Variants in BMPR2 observed in about 807,000 individuals in gnomAD.
BMPR2 encodes bone morphogenetic protein receptor type-2.
Under a neutral mutation model 100.8 loss-of-function variants are expected in BMPR2, and 29 were observed. The observed-to-expected ratio is 0.29, with a 90% CI of 0.21 to 0.39. The LOEUF is 0.39. Among genes scored for constraint, BMPR2 ranks in the 10% least tolerant of loss-of-function variants. The pLI is 1.00. For missense variants in BMPR2, 1,011 were observed against 1,274.5 expected, an observed-to-expected ratio of 0.79 and a Z score of 3.15; for synonymous variants, 382 against 442.3, an observed-to-expected ratio of 0.86 and a Z score of 1.71.
chr2:202,435,304 CA>C (rs1470554617), intron 1 of BMPR2, among the ~76,000 whole-genome samples: 1 of 143,736 alleles, frequency 7.0e-6, no homozygotes, highest in African/African-American at 2.7e-5. Context: ...GCAGAGGTTG[CA>C]GTGAGCTGAG....
intron 1 of BMPR2, among the ~76,000 whole-genome samples, chr2:202,463,241 A>T (rs968073221): frequency 1.3e-5 from 2 of 152,216 alleles, no homozygotes; most frequent in Non-Finnish European, 2.9e-5. Context: ...AAATGGGAAC[A>T]AGGGTATGAG....
intron 1 of BMPR2, among the ~76,000 whole-genome samples, chr2:202,441,564 A>G (rs1176913702): frequency 1.4e-5 from 2 of 147,510 alleles, no homozygotes; most frequent in Non-Finnish European, 3.0e-5. Context: ...AACAAAAAAC[A>G]AAAATTAGCC....
At chr2:202,508,369 G>A (rs1231960343) in intron 3 of BMPR2, among the ~76,000 whole-genome samples, 1 of 152,178 alleles carries the variant, frequency 6.6e-6, no homozygotes, top group African/African-American at 2.4e-5. Flanking sequence ...GGGATTACAG[G>A]CGTGAGCCAC....
At chr2:202,468,582 T>C (rs1354014039) in intron 3 of BMPR2, among the ~76,000 whole-genome samples, 3 of 152,254 alleles carry the variant, frequency 2.0e-5, no homozygotes, top group African/African-American at 7.2e-5. Flanking sequence ...GGAATTTATC[T>C]GGAAGATACA....
intron 1 of BMPR2, among the ~76,000 whole-genome samples, chr2:202,452,668 G>C (rs1226929303): frequency 6.6e-6 from 1 of 152,192 alleles, no homozygotes; most frequent in Non-Finnish European, 1.5e-5. Context: ...TTAGGGGAAA[G>C]AAGTACATCA....
At chr2:202,384,295 A>G (rs1690369538) in intron 1 of BMPR2, among the ~76,000 whole-genome samples, 1 of 152,238 alleles carries the variant, frequency 6.6e-6, no homozygotes, top group African/African-American at 2.4e-5. Context: ...TACATTACCC[A>G]AATTATCAAG....
intron 3 of BMPR2, among the ~76,000 whole-genome samples, chr2:202,481,288 C>T (rs1401297483): frequency 6.6e-6 from 1 of 152,082 alleles, no homozygotes; most frequent in East Asian, 1.9e-4. Context: ...AAGCAATTCT[C>T]CTGCCTCAGC....
In BMPR2 at chr2:202,487,906, C is replaced by T. The variant is rs960516982; in HGVS notation, c.418+20217C>T. Among the ~76,000 whole-genome samples the T allele has an allele frequency of 7.2e-5, 11 of 152,254 alleles. No homozygotes were observed. The South Asian group carries it at 1.7e-3, about 23-fold the overall frequency. On this transcript the variant is annotated intron_variant, in intron 3 of 12. Coordinates refer to ENST00000374580, the MANE Select transcript of BMPR2 (RefSeq NM_001204.7). ...TGTAATTTTAGGAGAGATTGGGTTT[C>T]GCTATTTTGGCCAGGCTGGTCTTGA...
chr2:202,535,294 G>A (rs1183216213), intron 9 of BMPR2, among the ~76,000 whole-genome samples: 3 of 151,614 alleles, frequency 2.0e-5, no homozygotes, highest in Non-Finnish European at 4.4e-5. Context: ...CAGACGGGGC[G>A]GCTGCCGGGC....
intron 1 of BMPR2, among the ~76,000 whole-genome samples, chr2:202,409,893 G>C (rs922255400): frequency 2.0e-5 from 3 of 152,092 alleles, no homozygotes; most frequent in African/African-American, 7.2e-5. Context: ...TGGATAATAA[G>C]ACCTAGGTTC....
intron 7 of BMPR2, among the ~76,000 whole-genome samples, chr2:202,524,438 C>T (rs1021812800): frequency 1.3e-5 from 2 of 151,810 alleles, no homozygotes; most frequent in South Asian, 2.1e-4. Flanking sequence ...TACCTCAAAC[C>T]TCAGCATCAT....
At chr2:202,552,610 C>G in intron 10 of BMPR2, 106 bp from the exon 11 acceptor site, 2 of 1,152,334 alleles carry the variant, frequency 1.7e-6, no homozygotes, top group Admixed American at 1.9e-5. Flanking sequence ...ATGTAAAATA[C>G]TGGTTAAGGT....
intron 9 of BMPR2, among the ~76,000 whole-genome samples, chr2:202,535,331 G>GC (rs1688127188): frequency 6.6e-6 from 1 of 151,152 alleles, no homozygotes; most frequent in Non-Finnish European, 1.5e-5. Context: ...TCTCAGACGG[G>GC]GCGGTTGCCA....
rs1690171984 is a variant in BMPR2, at chr2:202,377,373, G to C, written c.-102G>C. 2 of 1,093,336 alleles carry C rather than the reference G, an allele frequency of 1.8e-6. No individual in the cohort carries two copies. The highest frequency in any genetic ancestry group is 3.4e-5 in the Admixed American group (2 of 59,338). The allele number at this position is 1,093,336 out of a possible 1,614,324, so 67.7% of individuals were successfully genotyped here. A position where few individuals can be genotyped will look rare whatever the true frequency, so the allele number is the denominator to read the frequency against. Reference sequence around the variant, plus strand: ...TCAAACTGTATTGTGATACGGGCAGGATCAGTCCACGGGAGAGAAGACGAG... The same window carrying C: ...TCAAACTGTATTGTGATACGGGCAGCATCAGTCCACGGGAGAGAAGACGAG... On this transcript the variant is annotated 5_prime_UTR_variant, in exon 1 of 13. Transcript: ENST00000374580.
chr2:202,434,574 A>G (rs1257790660), intron 1 of BMPR2, among the ~76,000 whole-genome samples: 1 of 150,010 alleles, frequency 6.7e-6, no homozygotes, highest in Non-Finnish European at 1.5e-5. Flanking sequence ...GAAAATCAAT[A>G]TAGTCCTGAT....
rs554529515 is a variant in BMPR2 at position 202,535,596 on chromosome 2, C to T, written c.1276+2864C>T. 3.1e-4 allele frequency among the ~76,000 whole-genome samples: 47 copies of T among 150,920 alleles called. No individual in the cohort carries two copies. The East Asian group carries it at 5.3e-3, about 17-fold the overall frequency. On this transcript the variant is annotated intron_variant, in intron 9 of 12. Coordinates refer to ENST00000374580, the MANE Select transcript of BMPR2 (RefSeq NM_001204.7). Reference sequence around the variant, plus strand: ...GCCGGGCGGAGACGCTCCCCACTTTCCAGACTGGGCAGCCGGGCAGAGGGG... The same window carrying T: ...GCCGGGCGGAGACGCTCCCCACTTTTCAGACTGGGCAGCCGGGCAGAGGGG...
chr2:202,486,900 C>T (rs923937533), intron 3 of BMPR2, among the ~76,000 whole-genome samples: 2 of 152,066 alleles, frequency 1.3e-5, no homozygotes, highest in Non-Finnish European at 2.9e-5. Context: ...TGTGGTGGTG[C>T]ACGCCTGTAG....
chr2:202,479,352 A>G (rs989027148), intron 3 of BMPR2, among the ~76,000 whole-genome samples: 1 of 152,206 alleles, frequency 6.6e-6, no homozygotes. Flanking sequence ...TGAGATGACT[A>G]TGGCACCAGC....
At chr2:202,408,597 A>C (rs1186715845) in intron 1 of BMPR2, among the ~76,000 whole-genome samples, 1 of 152,236 alleles carries the variant, frequency 6.6e-6, no homozygotes, top group Non-Finnish European at 1.5e-5. Flanking sequence ...TGTCTGGTAC[A>C]GAGGGGAGGC....
Sources: gnomAD v4.1 joint callset for allele counts (sites outside exome capture counted in the v4.1 genomes callset) on GRCh38, gnomAD v4.1.1 for gene constraint, MANE v1.5 for transcripts, NCBI Gene and HGNC (gene_info 2026-07-23, HGNC 2026-07-21) for gene names.